CSMD2: variants seen among roughly 807,000 people sequenced by gnomAD.
The protein encoded by CSMD2 is CUB and Sushi multiple domains 2.
In CSMD2, 130 loss-of-function variants were observed where a neutral mutation model predicts 398.5. The observed-to-expected ratio is 0.33, with a 90% CI of 0.28 to 0.38. The LOEUF is 0.38. Among genes scored for constraint, CSMD2 ranks in the 10% least tolerant of loss-of-function variants. The probability of loss-of-function intolerance (pLI) is 1.00; values close to 1 mark genes in which losing one functional copy is unlikely to be tolerated. For synonymous variants in CSMD2, 1,828 were observed against 1,908.5 expected (o/e 0.96, Z 1.10); for missense variants, 3,829 against 4,764.9 (o/e 0.80, Z 5.78).
Position 33,576,441 on chromosome 1 carries a change from A to G in CSMD2, c.7576+855T>C, listed in dbSNP as rs1374216656. Among the ~76,000 whole-genome samples the G allele has an allele frequency of 3.3e-5, 5 of 152,142 alleles. No homozygotes were observed. The East Asian group carries it at 9.6e-4, about 29-fold the overall frequency. On this transcript the variant is annotated intron_variant, in intron 49 of 70. Coordinates refer to ENST00000373381, the MANE Select transcript of CSMD2 (RefSeq NM_001281956.2). ...CCCTGTCTCTACTAAAAGTACAAAA[A>G]TTAGCCAGGCATGGTGGCGGGTGAC...
intron 27 of CSMD2, among the ~76,000 whole-genome samples, chr1:33,655,087 G>A (rs1040300950): frequency 1.4e-4 from 21 of 152,210 alleles, no homozygotes; most frequent in African/African-American, 4.6e-4. Context: ...AGGGTTAGTC[G>A]AGGGGTCCTT....
At chr1:33,934,423 G>A (rs1644404719) in intron 4 of CSMD2, among the ~76,000 whole-genome samples, 1 of 152,236 alleles carries the variant, frequency 6.6e-6, no homozygotes, top group Non-Finnish European at 1.5e-5. Context: ...AGGAGTAAAT[G>A]AGAAGGGAAA....
chr1:34,140,839 T>A (rs1639225315), intron 1 of CSMD2, among the ~76,000 whole-genome samples: 1 of 152,058 alleles, frequency 6.6e-6, no homozygotes, highest in Admixed American at 6.6e-5. Flanking sequence ...GTTTTTCACG[T>A]GGGGCTGGGA....
chr1:34,146,089 T>A (rs544897853), intron 1 of CSMD2, among the ~76,000 whole-genome samples: 1 of 152,298 alleles, frequency 6.6e-6, no homozygotes, highest in Admixed American at 6.5e-5. Flanking sequence ...GGTCTCACTC[T>A]GTCACCCAGG....
At chr1:33,520,841 C>T (rs767120268) in intron 68 of CSMD2, among the ~76,000 whole-genome samples, 1 of 152,234 alleles carries the variant, frequency 6.6e-6, no homozygotes, top group Non-Finnish European at 1.5e-5. Flanking sequence ...CTGTTTCCCC[C>T]TCCCCTGCTT....
At chr1:34,159,340 C>CG (rs1384082926) in intron 1 of CSMD2, among the ~76,000 whole-genome samples, 59 of 124,210 alleles carry the variant, frequency 4.8e-4, no homozygotes, top group Non-Finnish European at 6.8e-4. Flanking sequence ...CCCCCCCCCA[C>CG]CCAGGAGCTT....
intron 13 of CSMD2, chr1:33,772,339 G>A: frequency 2.1e-6 from 1 of 484,376 alleles, no homozygotes; most frequent in South Asian, 2.9e-5. Context: ...AGACGGTGTT[G>A]AAGAGCATCC....
intron 64 of CSMD2, among the ~76,000 whole-genome samples, chr1:33,528,542 G>A (rs1410660150): frequency 2.0e-5 from 3 of 152,186 alleles, no homozygotes; most frequent in South Asian, 4.1e-4. Flanking sequence ...ATGCTTTATC[G>A]TCTTAGGTTT....
At chr1:33,586,358 A>G in intron 46 of CSMD2, 146 bp downstream of exon 46, 1 of 586,400 alleles carries the variant, frequency 1.7e-6, no homozygotes. Context: ...GCACTTACTC[A>G]TCCATCAGAC....
At chr1:34,096,245 T>C (rs540831731) in intron 1 of CSMD2, among the ~76,000 whole-genome samples, 2,122 of 152,014 alleles carry the variant, frequency 0.014, 58 homozygotes, top group African/African-American at 0.048. Flanking sequence ...AAATTAGGTA[T>C]TGATGGGACA....
chr1:33,784,608 T>C (rs893824743), intron 12 of CSMD2, among the ~76,000 whole-genome samples: 2 of 152,142 alleles, frequency 1.3e-5, no homozygotes, highest in African/African-American at 4.8e-5. Context: ...AGCCACCTCA[T>C]TTCTCTGCCA....
intron 57 of CSMD2, 48 bp downstream of exon 57, chr1:33,545,989 G>A (rs1287313502): frequency 1.0e-5 from 16 of 1,558,764 alleles, no homozygotes; most frequent in Admixed American, 1.7e-5. Context: ...GCAGGGGCGA[G>A]CTCTGGGGCT....
At chr1:33,682,222 CCTCT>C (rs1403156672) in intron 25 of CSMD2, among the ~76,000 whole-genome samples, 2 of 152,194 alleles carry the variant, frequency 1.3e-5, no homozygotes, top group Non-Finnish European at 2.9e-5. Flanking sequence ...ATAAAATCTC[CCTCT>C]GTCTTCTTCT....
intron 5 of CSMD2, among the ~76,000 whole-genome samples, chr1:33,867,218 G>A (rs1275135719): frequency 6.6e-6 from 1 of 152,220 alleles, no homozygotes; most frequent in African/African-American, 2.4e-5. Flanking sequence ...AGAAGCCCAT[G>A]TGGCAAGGAA....
chr1:33,783,235 T>C (rs4652974), intron 12 of CSMD2, among the ~76,000 whole-genome samples: 79,694 of 151,764 alleles, frequency 0.53, 21,883 homozygotes, highest in Middle Eastern at 0.64. Context: ...TGGTTTTGGA[T>C]GGTATTACGG....
chr1:33,868,419 G>A (rs753979), intron 5 of CSMD2, among the ~76,000 whole-genome samples: 3,108 of 152,160 alleles, frequency 0.02, 102 homozygotes, highest in African/African-American at 0.071. Context: ...CTCACGTTCC[G>A]GTGAGGAGAG....
In CSMD2 at chr1:33,605,263, G is replaced by T. The variant is rs565929170; in HGVS notation, c.6532+19C>A. On this transcript the variant is annotated intron_variant, in intron 42 of 70. Transcript: ENST00000373381. ...CGAGTACCCCAGGAAGAACTGCTGG[G>T]GATGAGGGAGCGACATACCTTCACA... 5.6e-6 allele frequency: 9 copies of T among 1,611,060 alleles called. No individual in the cohort carries two copies. The highest frequency in any genetic ancestry group is 1.7e-5 in the Admixed American group (1 of 59,868).
chr1:33,978,264 A>G (rs773966638), intron 3 of CSMD2, among the ~76,000 whole-genome samples: 2 of 152,126 alleles, frequency 1.3e-5, no homozygotes, highest in African/African-American at 2.4e-5. Context: ...GGTGCTTCAA[A>G]TTTTGTCTTT....
At chr1:33,777,652 T>C (rs1269714514) in intron 12 of CSMD2, among the ~76,000 whole-genome samples, 1 of 152,202 alleles carries the variant, frequency 6.6e-6, no homozygotes, top group Non-Finnish European at 1.5e-5. Flanking sequence ...AATTCCGTTT[T>C]ATGAGTGTTT....
Sources: gnomAD v4.1 joint callset for allele counts (sites outside exome capture counted in the v4.1 genomes callset) on GRCh38, gnomAD v4.1.1 for gene constraint, MANE v1.5 for transcripts, NCBI Gene and HGNC (gene_info 2026-07-23, HGNC 2026-07-21) for gene names.